Variants in MYH16 observed in about 807,000 individuals in gnomAD.
The protein encoded by MYH16 is myosin heavy chain 16.
At position 99,291,321 on chromosome 7, in the gene MYH16, A is replaced by C. The variant is rs1026486597; in HGVS notation, n.3825-2A>C. The C allele has an allele frequency of 1.5e-5, 7 of 455,488 alleles. No individual in the cohort carries two copies. The Admixed American group carries it at 1.7e-4, about 11-fold the overall frequency. 28.2% of individuals were successfully genotyped at this position (455,488 alleles called of 1,614,324 possible). Reference sequence around the variant, plus strand: ...TATTTCTTCCATTTCCTTCTCACCCAGCTGAAAATAGTGAACTGAGCAGGG... The same window carrying C: ...TATTTCTTCCATTTCCTTCTCACCCCGCTGAAAATAGTGAACTGAGCAGGG... On this transcript the variant is annotated splice_acceptor_variant and non_coding_transcript_variant, in intron 30 of 41. Coordinates refer to ENST00000439784, the Ensembl canonical transcript of MYH16.
In MYH16 at chr7:99,296,852, A is replaced by T. The variant is rs533553765; in HGVS notation, n.4434A>T. ...TACATGACAGAGAGCTTCAAGATCAAGACTGCCTACGAGGAGTCTCTGGAG... is the reference window on the plus strand; with the variant it reads ...TACATGACAGAGAGCTTCAAGATCATGACTGCCTACGAGGAGTCTCTGGAG... On this transcript the variant is annotated non_coding_transcript_exon_variant, in exon 34 of 42. Coordinates refer to ENST00000439784, the Ensembl canonical transcript of MYH16. 8.7e-6 allele frequency: 4 copies of T among 457,778 alleles called. No homozygotes were observed. In the East Asian group the frequency reaches 2.8e-4, roughly 32 times the overall value. 28.4% of individuals were successfully genotyped at this position (457,778 alleles called of 1,614,324 possible).
chr7:99,259,738 ATAT>A (rs1791916947), intron 11 of MYH16, among the ~76,000 whole-genome samples: 1 of 148,398 alleles, frequency 6.7e-6, no homozygotes, highest in African/African-American at 2.5e-5. Context: ...GTGTATATAT[ATAT>A]TATACATATA....
intron 19 of MYH16, among the ~76,000 whole-genome samples, chr7:99,271,787 C>T (rs944260771): frequency 6.6e-6 from 1 of 152,150 alleles, no homozygotes; most frequent in Non-Finnish European, 1.5e-5. Context: ...GCAGCCTCAA[C>T]CTCTTGGGCT....
chr7:99,284,230 G>C (rs929070583), intron 25 of MYH16, among the ~76,000 whole-genome samples: 1 of 152,142 alleles, frequency 6.6e-6, no homozygotes, highest in African/African-American at 2.4e-5. Flanking sequence ...GTGGGCACTG[G>C]GGAGGAGACA....
chr7:99,303,141 T>G (rs919508049), exon 39 of MYH16: 13 of 152,690 alleles, frequency 8.5e-5, no homozygotes, highest in African/African-American at 3.1e-4. Flanking sequence ...GAGGAGCTCA[T>G]CAGTGAGTTC....
chr7:99,238,999 A>T (rs1278248557), exon 1 of MYH16: 4 of 152,754 alleles, frequency 2.6e-5, no homozygotes, highest in African/African-American at 9.6e-5. Flanking sequence ...TCCAGTCTGA[A>T]CAGGGTGACC....
chr7:99,260,063 T>C, intron 11 of MYH16: 1 of 973,730 alleles, frequency 1.0e-6, no homozygotes, highest in South Asian at 1.5e-5. Flanking sequence ...TAGTGGGCCC[T>C]CTGCAAAGTT....
chr7:99,241,256 A>T (rs1042208695), intron 1 of MYH16, among the ~76,000 whole-genome samples: 2 of 152,142 alleles, frequency 1.3e-5, no homozygotes, highest in Non-Finnish European at 1.5e-5. Flanking sequence ...AGGACCAGAG[A>T]TCTGGAAACC....
At chr7:99,282,780 T>C (rs1792217375) in intron 23 of MYH16, among the ~76,000 whole-genome samples, 1 of 151,604 alleles carries the variant, frequency 6.6e-6, no homozygotes, top group East Asian at 1.9e-4. Flanking sequence ...CAGTTAGCTA[T>C]GATCGTACCA....
chr7:99,307,722 A>C (rs1318212339), downstream of MYH16, among the ~76,000 whole-genome samples: 1 of 152,070 alleles, frequency 6.6e-6, no homozygotes, highest in Non-Finnish European at 1.5e-5. Flanking sequence ...AAGAAAAAAA[A>C]GTCAAAATAC....
At chr7:99,253,770 G>A (rs1382327660) in exon 8 of MYH16, 1 of 201,368 alleles carries the variant, frequency 5.0e-6, no homozygotes. Context: ...AAGCAGCCGA[G>A]AGAAGCTACC....
At chr7:99,287,975 G>A (rs574384531) in exon 29 of MYH16, 222 of 456,694 alleles carry the variant, frequency 4.9e-4, no homozygotes, top group Non-Finnish European at 7.6e-4. Flanking sequence ...GCGAGGCGAC[G>A]GCCTCCACAC....
At chr7:99,248,710 C>G (rs1351598181) in intron 3 of MYH16, among the ~76,000 whole-genome samples, 1 of 152,202 alleles carries the variant, frequency 6.6e-6, no homozygotes, top group Non-Finnish European at 1.5e-5. Context: ...CCTCATTTCT[C>G]TTTATGTTGC....
chr7:99,289,113 CAAA>C (rs543932564), intron 29 of MYH16, among the ~76,000 whole-genome samples, 171 bp from the exon 11 acceptor site: 9 of 128,902 alleles, frequency 7.0e-5, no homozygotes, highest in African/African-American at 8.0e-5. Flanking sequence ...TACCCTGTCT[CAAA>C]AAAAAAAAAA....
intron 33 of MYH16, 67 bp from the exon 15 acceptor site, chr7:99,296,634 G>A (rs560561249): frequency 1.0e-4 from 46 of 442,302 alleles, no homozygotes; most frequent in Non-Finnish European, 2.0e-4. Context: ...AGGTTGGTGG[G>A]GGGGTGGGAG....
chr7:99,289,321 A>G (rs1253471081), exon 30 of MYH16: 1 of 441,788 alleles, frequency 2.3e-6, no homozygotes. Flanking sequence ...AAGCTGGAAG[A>G]CAGCTTATCA....
intron 6 of MYH16, chr7:99,252,493 A>G (rs1426939418): frequency 1.3e-5 from 2 of 152,270 alleles, no homozygotes; most frequent in East Asian, 1.9e-4. Flanking sequence ...GAGGAATGAC[A>G]TGGAAGGCTC....
chr7:99,290,345 G>A (rs910250134), intron 30 of MYH16, among the ~76,000 whole-genome samples: 2 of 151,680 alleles, frequency 1.3e-5, no homozygotes, highest in African/African-American at 2.4e-5. Flanking sequence ...TAAATAGCTG[G>A]GTGTGGTGGC....
intron 34 of MYH16, 33 bp from the exon 16 acceptor site, chr7:99,297,627 C>T (rs733991): frequency 0.19 from 83,928 of 449,030 alleles, 15,922 homozygotes; most frequent in African/African-American, 0.71. Context: ...CCTGGAATGC[C>T]GAGTCTTATT....
Sources: allele counts gnomAD v4.1 joint callset (sites outside exome capture counted in the v4.1 genomes callset), GRCh38; gene constraint gnomAD v4.1.1; transcripts MANE v1.5; gene names NCBI Gene and HGNC (gene_info 2026-07-23, HGNC 2026-07-21).